The following CALCOCO2 variants were observed in gnomAD, a reference collection of about 807,000 sequenced individuals.
CALCOCO2 encodes the protein calcium-binding and coiled-coil domain-containing protein 2.
A neutral mutation model predicts 62.5 loss-of-function variants in CALCOCO2; 42 were observed. The observed-to-expected ratio is 0.67, with a 90% confidence interval of 0.53 to 0.87. The LOEUF is 0.87. Ranked by LOEUF, CALCOCO2 falls within the 40% of genes least tolerant of loss-of-function variation. The probability of loss-of-function intolerance (pLI) is 0.00; values close to 1 mark genes in which losing one functional copy is unlikely to be tolerated. For synonymous variants in CALCOCO2, 167 were observed against 173.0 expected (o/e 0.97, Z 0.27); for missense variants, 456 against 515.0 (o/e 0.89, Z 1.11).
rs369037244 is a variant in CALCOCO2, at chr17:48,856,074, T to A, written c.913-18T>A. On this transcript the variant is annotated intron_variant, in intron 9 of 12. Transcript: ENST00000258947. ...TGCAATATGTGATCCTAATCCTAAT[T>A]TTTTTTATTGTTGACAGGATGAAAA... 1 of 1,409,292 alleles carries A rather than the reference T, an allele frequency of 7.1e-7. No individual in the cohort carries two copies. 87.3% of individuals were successfully genotyped at this position (1,409,292 alleles called of 1,614,324 possible).
chr17:48,837,970 C>T (rs371839832), intron 1 of CALCOCO2, among the ~76,000 whole-genome samples: 18 of 151,982 alleles, frequency 1.2e-4, no homozygotes, highest in African/African-American at 3.4e-4. Flanking sequence ...GTGTGCCAGC[C>T]GGGCGCGGTG....
chr17:48,849,465 GTGATCTCACCTTCTTATACCAGTA>G (rs2040097491), intron 5 of CALCOCO2, 88 bp downstream of exon 5: 1 of 1,152,236 alleles, frequency 8.7e-7, no homozygotes, highest in Non-Finnish European at 1.3e-6. Flanking sequence ...TGTTTTGCCT[GTGATCTCACCTTCTTATACCAGTA>G]TCTTTGAACA....
At chr17:48,859,894 A>G (rs2040303539) in intron 10 of CALCOCO2, among the ~76,000 whole-genome samples, 1 of 152,180 alleles carries the variant, frequency 6.6e-6, no homozygotes, top group African/African-American at 2.4e-5. Context: ...CAGGAGTTCG[A>G]GACCAGCCCG....
chr17:48,854,011 T>G (rs929771885), intron 9 of CALCOCO2, among the ~76,000 whole-genome samples: 1 of 152,148 alleles, frequency 6.6e-6, no homozygotes, highest in Non-Finnish European at 1.5e-5. Context: ...AATAAATTAC[T>G]GTTTTAAATG....
At chr17:48,850,203 G>A (rs1053682684) in intron 5 of CALCOCO2, among the ~76,000 whole-genome samples, 8 of 152,192 alleles carry the variant, frequency 5.3e-5, no homozygotes, top group Non-Finnish European at 8.8e-5. Flanking sequence ...GGAGGCTGAG[G>A]CAGGAGAATT....
chr17:48,849,410 A>G (rs551605), intron 5 of CALCOCO2, 33 bp downstream of exon 5: 1,596,580 of 1,602,740 alleles, frequency 1, 795,437 homozygotes, highest in East Asian at 1. Flanking sequence ...ACCTTGGAGC[A>G]TGGAGATCAG....
chr17:48,846,650 G>C (rs561945256), intron 2 of CALCOCO2: 8 of 606,112 alleles, frequency 1.3e-5, no homozygotes, highest in Non-Finnish European at 2.3e-5. Flanking sequence ...CTGTACCACC[G>C]CAGGCTGCAG....
chr17:48,842,460 AT>A (rs929692194), intron 2 of CALCOCO2: 1 of 151,548 alleles, frequency 6.6e-6, no homozygotes, highest in Admixed American at 6.6e-5. Flanking sequence ...TGTCCTTATT[AT>A]GCTGTCAAAA....
intron 1 of CALCOCO2, among the ~76,000 whole-genome samples, chr17:48,833,295 G>A (rs530314168): frequency 3.9e-5 from 6 of 152,282 alleles, no homozygotes; most frequent in African/African-American, 1.2e-4. Context: ...AGTGGCTCAC[G>A]CCTGTAATCC....
Position 48,862,313 on chromosome 17 carries a change from T to G in CALCOCO2, c.1173+9T>G, listed in dbSNP as rs774931314. On this transcript the variant is annotated intron_variant, in intron 12 of 12. Coordinates refer to ENST00000258947, the MANE Select transcript of CALCOCO2 (RefSeq NM_005831.5). ...GTTCTTCCCCCAGCCCGGTAAGTAT[T>G]TGATTCATGAGAATATTCCCACAAA... 2 of 1,572,142 alleles carry G rather than the reference T, an allele frequency of 1.3e-6. No homozygotes were observed. The highest frequency in any genetic ancestry group is 1.8e-6 in the Non-Finnish European group (2 of 1,141,818).
chr17:48,851,514 C>A, intron 6 of CALCOCO2, 45 bp from the exon 7 acceptor site: 1 of 1,112,934 alleles, frequency 9.0e-7, no homozygotes, highest in Non-Finnish European at 1.4e-6. Context: ...GGGTAGCTGA[C>A]CTGGAATCAG....
intron 1 of CALCOCO2, among the ~76,000 whole-genome samples, chr17:48,840,711 T>C (rs1156306254): frequency 6.6e-6 from 1 of 152,060 alleles, no homozygotes; most frequent in Admixed American, 6.6e-5. Context: ...CAGTTGCATC[T>C]CTCCCTGTTT....
intron 1 of CALCOCO2, 76 bp from the exon 2 acceptor site, chr17:48,841,622 T>G: frequency 9.6e-7 from 1 of 1,046,596 alleles, no homozygotes; most frequent in Non-Finnish European, 1.4e-6. Context: ...GAATGTTCCC[T>G]GGATGAAAGC....
At chr17:48,854,396 ATTTTTTT>A (rs1226127478) in intron 9 of CALCOCO2, among the ~76,000 whole-genome samples, 2 of 1,916 alleles carry the variant, frequency 1.0e-3, no homozygotes, top group African/African-American at 1.6e-3. Flanking sequence ...ATATATATAT[ATTTTTTT>A]TTTTTTTTTT....
chr17:48,860,433 T>C lies in CALCOCO2; in HGVS notation c.1128T>C (p.Tyr376=). ...GGARQNPGLA[Y]GNPYSGIQES... The stretch of plus-strand genomic sequence containing the variant: ...CAAGACAAAATCCAGGACTTGCCTA[T>C]GGAAACCCATATTCTGGTAAGACAA... Residue 376 remains tyrosine (Y), a synonymous_variant, in exon 11 of 13, where the codon TAT becomes TAC. Transcript: ENST00000258947. The C allele has an allele frequency of 6.2e-7, 1 of 1,614,142 alleles. No individual in the cohort carries two copies. The highest frequency in any genetic ancestry group is 8.5e-7 in the Non-Finnish European group (1 of 1,179,984).
At position 48,849,242 on chromosome 17, in the gene CALCOCO2, T is replaced by C. The variant is rs752201897; in HGVS notation, c.418-10T>C. 1.2e-6 allele frequency: 2 copies of C among 1,613,382 alleles called. No homozygotes were observed. The highest frequency in any genetic ancestry group is 2.7e-5 in the African/African-American group (2 of 74,874). On this transcript the variant is annotated splice_polypyrimidine_tract_variant and intron_variant, in intron 4 of 12. Transcript: ENST00000258947. ...ACTTGGAATATAGTTTATGGAATGT[T>C]CTTTTGTAGGGAGAGGTGGAAGAGA...
At chr17:48,849,051 G>T (rs1405718778) in intron 4 of CALCOCO2, among the ~76,000 whole-genome samples, 1 of 152,094 alleles carries the variant, frequency 6.6e-6, no homozygotes, top group East Asian at 1.9e-4. Flanking sequence ...TATAATTTTT[G>T]CTTGCCTTTC....
chr17:48,845,283 C>G (rs2040032610), intron 2 of CALCOCO2, among the ~76,000 whole-genome samples: 1 of 151,356 alleles, frequency 6.6e-6, no homozygotes, highest in South Asian at 2.1e-4. Flanking sequence ...ACTTGAATAC[C>G]TACCCTGAGG....
chr17:48,833,232 T>C (rs2039840889), intron 1 of CALCOCO2, among the ~76,000 whole-genome samples: 1 of 152,196 alleles, frequency 6.6e-6, no homozygotes, highest in Admixed American at 6.5e-5. Context: ...AATTCATCCA[T>C]TTTTGCTAAT....
Sources: gnomAD v4.1 joint callset for allele counts (sites outside exome capture counted in the v4.1 genomes callset) on GRCh38, gnomAD v4.1.1 for gene constraint, MANE v1.5 for transcripts, NCBI Gene and HGNC (gene_info 2026-07-23, HGNC 2026-07-21) for gene names.